Variants in PHF20 observed in about 807,000 individuals in gnomAD.
PHF20 encodes glioma-expressed antigen 2.
A neutral mutation model predicts 113.5 loss-of-function variants in PHF20; 23 were observed. The ratio of observed to expected loss-of-function variants is 0.20; its 90% CI spans 0.15 to 0.29. The LOEUF (loss-of-function observed/expected upper bound fraction) is 0.29. Among genes scored for constraint, PHF20 ranks in the 10% least tolerant of loss-of-function variants. PHF20 has a pLI of 1.00. For synonymous variants in PHF20, 434 were observed against 457.3 expected (o/e 0.95, Z 0.65); for missense variants, 943 against 1,219.6 (o/e 0.77, Z 3.38).
chr20:35,827,840 A>G (rs1168160750), intron 2 of PHF20, among the ~76,000 whole-genome samples: 1 of 151,564 alleles, frequency 6.6e-6, no homozygotes, highest in Non-Finnish European at 1.5e-5. Context: ...TTAGATGTAG[A>G]TATCGATCTT....
At chr20:35,876,051 G>A (rs1010596902) in intron 9 of PHF20, among the ~76,000 whole-genome samples, 6 of 152,176 alleles carry the variant, frequency 3.9e-5, no homozygotes, top group African/African-American at 9.6e-5. Context: ...ATTTCATGTC[G>A]TCGTCTGCAT....
chr20:35,787,158 A>ATTATTTAT lies in PHF20; in HGVS notation c.-32-14302_-32-14295dup, dbSNP rs58760101. On this transcript the variant is annotated intron_variant, in intron 1 of 17. Transcript: ENST00000374012. ...AGGTGTGTGTCACTGTGCCTGGCTA[A>ATTATTTAT]TTATTTATTTATTTATTTATTTATT... Among the ~76,000 whole-genome samples the ATTATTTAT allele has an allele frequency of 1.8e-3, 254 of 143,928 alleles. 2 individuals carry two copies. Among genetic ancestry groups the ATTATTTAT allele is most frequent in the African/African-American group, 5.9e-3 (227 of 38,666 alleles). The allele number at this position is 143,928 out of a possible 152,430, so 94.4% of individuals were successfully genotyped here.
chr20:35,863,006 A>G lies in PHF20; in HGVS notation c.421-7A>G. 6.5e-7 allele frequency: 1 copy of G among 1,548,170 alleles called. No homozygotes were observed. Among genetic ancestry groups the G allele is most frequent in the South Asian group, 1.2e-5 (1 of 80,994 alleles). ...GAAGTGTTTCATCGCTATTTTGCTC[A>G]TTTTAGAATATTGTGGGTAATGCTA... On this transcript the variant is annotated splice_polypyrimidine_tract_variant and splice_region_variant and intron_variant, in intron 5 of 17. Transcript: ENST00000374012.
chr20:35,833,363 T>C (rs745354975), intron 2 of PHF20, among the ~76,000 whole-genome samples: 5 of 152,192 alleles, frequency 3.3e-5, no homozygotes, highest in Non-Finnish European at 7.3e-5. Flanking sequence ...GAGTTTTTGA[T>C]GCTTTTTGGC....
intron 10 of PHF20, among the ~76,000 whole-genome samples, chr20:35,905,492 C>T (rs2147069504): frequency 6.8e-6 from 1 of 148,096 alleles, no homozygotes; most frequent in Admixed American, 6.7e-5. Flanking sequence ...GAGATCAGAG[C>T]TCCCCCTATC....
intron 7 of PHF20, among the ~76,000 whole-genome samples, chr20:35,870,236 G>A (rs7268446): frequency 0.049 from 7,316 of 150,292 alleles, 224 homozygotes; most frequent in African/African-American, 0.1. Context: ...CCCGGGAGGC[G>A]GAGCTAGCAG....
intron 2 of PHF20, among the ~76,000 whole-genome samples, chr20:35,814,872 C>CAAAAA (rs761940820): frequency 7.7e-5 from 4 of 52,184 alleles, no homozygotes; most frequent in East Asian, 5.2e-4. Context: ...GACTCCGTCT[C>CAAAAA]AAAAAAAAAA....
chr20:35,859,459 G>A (rs1371418453), intron 5 of PHF20, among the ~76,000 whole-genome samples: 1 of 151,968 alleles, frequency 6.6e-6, no homozygotes, highest in African/African-American at 2.4e-5. Context: ...TTATCACTGA[G>A]GCATCATAAC....
intron 4 of PHF20, chr20:35,855,280 C>T: frequency 7.5e-7 from 1 of 1,337,044 alleles, no homozygotes; most frequent in Non-Finnish European, 9.9e-7. Flanking sequence ...AACAGGAACC[C>T]AGACCTTTGT....
chr20:35,923,579 A>G (rs1013324655), intron 13 of PHF20, among the ~76,000 whole-genome samples: 2 of 152,186 alleles, frequency 1.3e-5, no homozygotes, highest in African/African-American at 4.8e-5. Context: ...ACAGAGAAAT[A>G]CCTTATCCCC....
intron 9 of PHF20, among the ~76,000 whole-genome samples, chr20:35,874,395 T>C (rs188699833): frequency 6.6e-6 from 1 of 152,366 alleles, no homozygotes; most frequent in East Asian, 1.9e-4. Context: ...TGTTCTTTAT[T>C]TCTTCGAAGA....
intron 10 of PHF20, among the ~76,000 whole-genome samples, chr20:35,904,356 C>A (rs1403272360): frequency 7.2e-6 from 1 of 139,616 alleles, no homozygotes; most frequent in Non-Finnish European, 1.5e-5. Flanking sequence ...GTGATCTTGG[C>A]TCACTGCAAC....
intron 9 of PHF20, among the ~76,000 whole-genome samples, chr20:35,893,139 C>G (rs2054907008): frequency 6.6e-6 from 1 of 152,218 alleles, no homozygotes; most frequent in African/African-American, 2.4e-5. Context: ...TTTGGAGTTT[C>G]AGCTGTACTA....
At chr20:35,947,401 A>C in intron 17 of PHF20, 84 bp from the exon 18 acceptor site, 1 of 1,438,342 alleles carries the variant, frequency 7.0e-7, no homozygotes, top group Non-Finnish European at 9.7e-7. Context: ...GTCTGATGGA[A>C]TAAGGTGCTG....
At chr20:35,824,037 A>G (rs1456407282) in intron 2 of PHF20, among the ~76,000 whole-genome samples, 1 of 152,224 alleles carries the variant, frequency 6.6e-6, no homozygotes, top group East Asian at 1.9e-4. Context: ...ACATTTATAT[A>G]TAGGTTTTTA....
At chr20:35,918,401 G>A (rs1420019636) in intron 13 of PHF20, among the ~76,000 whole-genome samples, 2 of 152,150 alleles carry the variant, frequency 1.3e-5, no homozygotes, top group Admixed American at 1.3e-4. Context: ...AATAGACTGG[G>A]TCCTAGGGCT....
Position 35,887,888 on chromosome 20 carries a change from C to T in PHF20, c.1283-11482C>T, listed in dbSNP as rs563898626. 6.0e-5 allele frequency: 9 copies of T among 151,038 alleles called. No homozygotes were observed. In the East Asian group the frequency reaches 1.7e-3, roughly 29 times the overall value. The allele number at this position is 151,038 out of a possible 1,614,324, so 9.4% of individuals were successfully genotyped here. Reference sequence around the variant, plus strand: ...AGAGATTATATCAGGGCGTGAATACCAGGAGGCAGGGATTATTAGGAAACA... The same window carrying T: ...AGAGATTATATCAGGGCGTGAATACTAGGAGGCAGGGATTATTAGGAAACA... On this transcript the variant is annotated intron_variant, in intron 9 of 17. Coordinates refer to ENST00000374012, the MANE Select transcript of PHF20 (RefSeq NM_016436.5).
Position 35,949,591 on chromosome 20 carries a change from T to C in PHF20, c.*1964T>C, listed in dbSNP as rs1023847405. On this transcript the variant is annotated 3_prime_UTR_variant, in exon 18 of 18. Coordinates refer to ENST00000374012, the MANE Select transcript of PHF20 (RefSeq NM_016436.5). The stretch of plus-strand genomic sequence containing the variant: ...CTTTCATTCATTGTGACTTTTGTTC[T>C]TAGGGAAGCAGAGAAGACTCCCCAA... The C allele has an allele frequency of 2.0e-5, 3 of 152,684 alleles. No homozygotes were observed. Among genetic ancestry groups the C allele is most frequent in the African/African-American group, 7.2e-5 (3 of 41,474 alleles). The allele number at this position is 152,684 out of a possible 1,614,324, so 9.5% of individuals were successfully genotyped here. A position where few individuals can be genotyped will look rare whatever the true frequency, so the allele number is the denominator to read the frequency against.
At chr20:35,848,826 C>T (rs907825005) in intron 4 of PHF20, among the ~76,000 whole-genome samples, 29 of 150,150 alleles carry the variant, frequency 1.9e-4, no homozygotes, top group African/African-American at 6.7e-4. Context: ...CATTGTACTC[C>T]AGCCTGGGCA....
Sources: allele counts gnomAD v4.1 joint callset (sites outside exome capture counted in the v4.1 genomes callset), GRCh38; gene constraint gnomAD v4.1.1; transcripts MANE v1.5; gene names NCBI Gene and HGNC (gene_info 2026-07-23, HGNC 2026-07-21).